RNF213: variants seen among roughly 807,000 people sequenced by gnomAD.
RNF213 encodes E3 ubiquitin-protein ligase RNF213.
Under a neutral mutation model 514.4 loss-of-function variants are expected in RNF213, and 341 were observed. The observed-to-expected ratio is 0.66, with a 90% CI of 0.61 to 0.73. RNF213 has a LOEUF of 0.73. RNF213 is among the 30% of genes least tolerant of loss of function. The probability of loss-of-function intolerance (pLI) is 0.00; values close to 1 mark genes in which losing one functional copy is unlikely to be tolerated. For missense variants in RNF213, 5,767 were observed against 6,615.6 expected, an observed-to-expected ratio of 0.87 and a Z score of 4.45; for synonymous variants, 2,655 against 2,658.2, an observed-to-expected ratio of 1.00 and a Z score of 0.04.
In RNF213 at chr17:80,287,888, T is replaced by A. The variant is rs1400942510; in HGVS notation, c.335T>A (p.Leu112His). Residue 112 changes from leucine to histidine, a missense_variant, in exon 4 of 68, where the codon CTT becomes CAT. Physicochemically the swap from Leu to His is moderately conservative, Grantham distance 99 (BLOSUM62 -3). Coordinates refer to ENST00000582970, the MANE Select transcript of RNF213 (RefSeq NM_001256071.3). ...SASSELASLP[L>H]SPASPCHLTL... is the part of the protein sequence containing the mutation. Reference sequence around the variant, plus strand: ...TCCTCAGAGCTGGCTTCCTTGCCCCTTTCTCCTGCCAGCCCCTGTCACCTG... The same window carrying A: ...TCCTCAGAGCTGGCTTCCTTGCCCCATTCTCCTGCCAGCCCCTGTCACCTG... 1.9e-6 allele frequency: 3 copies of A among 1,587,566 alleles called. No individual in the cohort carries two copies. The highest frequency in any genetic ancestry group is 2.6e-6 in the Non-Finnish European group (3 of 1,167,150).
At chr17:80,380,673 A>G (rs2079957619) in intron 55 of RNF213, among the ~76,000 whole-genome samples, 158 bp from the exon 56 acceptor site, 1 of 152,184 alleles carries the variant, frequency 6.6e-6, no homozygotes, top group Non-Finnish European at 1.5e-5. Context: ...CTATCATGAG[A>G]GAGACTCTTA....
intron 29 of RNF213, among the ~76,000 whole-genome samples, 166 bp from the exon 30 acceptor site, chr17:80,349,602 AGC>A (rs1170266291): frequency 4.6e-5 from 7 of 152,188 alleles, no homozygotes; most frequent in African/African-American, 1.4e-4. Flanking sequence ...TCTCGGCCCC[AGC>A]GCTGCCGTGT....
Position 80,369,590 on chromosome 17 carries a change from G to A in RNF213, c.12244G>A (p.Ala4082Thr), listed in dbSNP as rs746895668. 14 of 1,614,232 alleles carry A rather than the reference G, an allele frequency of 8.7e-6. No individual in the cohort carries two copies. In the Admixed American group the frequency reaches 1.5e-4, roughly 17 times the overall value. The change falls in exon 45 of 68, where the codon GCT becomes ACT. Residue 4082 changes from alanine (A) to threonine (T), a missense_variant. Coordinates refer to ENST00000582970, the MANE Select transcript of RNF213 (RefSeq NM_001256071.3). The part of the protein sequence containing the change: ...LVSTICFKDN[A>T]PPEKEVIESL... ...GTCCACCATTTGCTTCAAGGACAACGCTCCGCCTGAGAAGGAAGTGATTGA... is the reference window on the plus strand; with the variant it reads ...GTCCACCATTTGCTTCAAGGACAACACTCCGCCTGAGAAGGAAGTGATTGA...
rs150980347 is a variant in RNF213, at chr17:80,349,843, C to T, written c.10025C>T (p.Pro3342Leu). The T allele has an allele frequency of 5.0e-5, 80 of 1,614,136 alleles. No individual in the cohort carries two copies. Among genetic ancestry groups the T allele is most frequent in the African/African-American group, 2.1e-4 (16 of 75,044 alleles). ...ILESEVTGRA[P>L]KPTLLWLQQF... ...GAATCAGAGGTCACAGGCAGGGCTC[C>T]GAAACCCACACTCCTGTGGCTGCAG... The change falls in exon 30 of 68, where the codon CCG becomes CTG. Residue 3342 changes from proline to leucine, a missense_variant. Coordinates refer to ENST00000582970, the MANE Select transcript of RNF213 (RefSeq NM_001256071.3).
Position 80,292,075 on chromosome 17 carries a change from A to G in RNF213, c.1471+248A>G, listed in dbSNP as rs367587324. On this transcript the variant is annotated intron_variant, in intron 8 of 67. Transcript: ENST00000582970. ...ACTTACCTACTCACTTGCAGGAGGA[A>G]ACATGCAAAGGACTTTTTGTTTGTT... 5.2e-6 allele frequency: 3 copies of G among 575,606 alleles called. No individual in the cohort carries two copies. In the African/African-American group the frequency reaches 5.6e-5, roughly 11 times the overall value. The allele number at this position is 575,606 out of a possible 1,614,324, so 35.7% of individuals were successfully genotyped here. A position where few individuals can be genotyped will look rare whatever the true frequency, so the allele number is the denominator to read the frequency against.
intron 22 of RNF213, 114 bp downstream of exon 22, chr17:80,334,384 AG>A: frequency 8.7e-7 from 1 of 1,154,970 alleles, no homozygotes; most frequent in Non-Finnish European, 1.2e-6. Context: ...GACTACGTAA[AG>A]GGCAGAAAGA....
intron 17 of RNF213, among the ~76,000 whole-genome samples, chr17:80,322,587 T>A (rs6565673): frequency 0.011 from 1,683 of 151,118 alleles, 30 homozygotes; most frequent in African/African-American, 0.036. Context: ...AAAAAAAAAA[T>A]TTTTTTTCGT....
rs748991407 is a variant in RNF213, at chr17:80,290,596, C to T, written c.1139C>T (p.Thr380Ile). Reference protein sequence around the residue: ...ASTLSPGGGVTVFFHAIISLH... With the variant: ...ASTLSPGGGVIVFFHAIISLH... Reference sequence around the variant, plus strand: ...ACGCTGAGCCCGGGTGGAGGAGTCACCGTGTTCTTCCACGCCATCATCTCT... The same window carrying T: ...ACGCTGAGCCCGGGTGGAGGAGTCATCGTGTTCTTCCACGCCATCATCTCT... The change falls in exon 7 of 68, where the codon ACC becomes ATC. Residue 380 changes from threonine to isoleucine, a missense_variant. By Grantham distance (89) the Thr-to-Ile change is moderately conservative. This residue lies in a region of RNF213 where 509 missense variants were observed against 496.7 expected (regional missense o/e 1.02). Transcript: ENST00000582970. 1 of 1,614,090 alleles carries T rather than the reference C, an allele frequency of 6.2e-7. No individual in the cohort carries two copies. Among genetic ancestry groups the T allele is most frequent in the East Asian group, 2.2e-5 (1 of 44,894 alleles).
In RNF213 at chr17:80,334,133, A is replaced by G. The variant is rs1340094969; in HGVS notation, c.4172A>G (p.Glu1391Gly). The change falls in exon 22 of 68, where the codon GAA becomes GGA. Residue 1391 changes from glutamate (E) to glycine (G), a missense_variant. Around this residue, in one of 13 missense-constraint regions of RNF213, gnomAD observed 516 missense variants for 566.5 expected, o/e 0.91. Transcript: ENST00000582970. ...GATAACTTCGACGACTTTCGCCGTG[A>G]AACACTGGACCAGATCAACCAGGAG... Reference protein sequence around the residue: ...FTDNFDDFRRETLDQINQELI... With the variant: ...FTDNFDDFRRGTLDQINQELI... 5 of 1,537,246 alleles carry G rather than the reference A, an allele frequency of 3.3e-6. No individual in the cohort carries two copies. In the East Asian group the frequency reaches 7.3e-5, roughly 23 times the overall value.
In RNF213 at chr17:80,278,805, C is replaced by T; in HGVS notation, c.261+5401C>T. 2.6e-6 allele frequency: 4 copies of T among 1,537,196 alleles called. No individual in the cohort carries two copies. In the South Asian group the frequency reaches 3.6e-5, roughly 14 times the overall value. On this transcript the variant is annotated intron_variant, in intron 3 of 67. Transcript: ENST00000582970. ...TTTTGGTAGATGCTGCTGTAGACCT[C>T]ATATCCGATGAATGGGAAGCTGCTA...
chr17:80,363,372 G>GGAGTT, intron 40 of RNF213, 58 bp downstream of exon 40: 1 of 1,517,726 alleles, frequency 6.6e-7, no homozygotes, highest in Non-Finnish European at 9.1e-7. Flanking sequence ...ACTCCACTCT[G>GGAGTT]GGAATGGAGA....
rs900420433 is a variant in RNF213 at position 80,288,465 on chromosome 17, G to A, written c.810+102G>A. ...TTGCTTCCCTGCCGGGGGGAGGGGCGTCCTCTGGGCCCTGCTCCCTGGGTG... is the reference window on the plus strand; with the variant it reads ...TTGCTTCCCTGCCGGGGGGAGGGGCATCCTCTGGGCCCTGCTCCCTGGGTG... On this transcript the variant is annotated intron_variant, in intron 4 of 67. Coordinates refer to ENST00000582970, the MANE Select transcript of RNF213 (RefSeq NM_001256071.3). The surrounding 1 kb of genome is among the most constrained non-coding windows in gnomAD (Gnocchi z 4.9). 8.0e-5 allele frequency: 127 copies of A among 1,591,752 alleles called. No homozygotes were observed. In the Admixed American group the frequency reaches 1.0e-3, roughly 13 times the overall value.
At chr17:80,286,371 G>A (rs560249299) in intron 3 of RNF213, among the ~76,000 whole-genome samples, 1 of 152,148 alleles carries the variant, frequency 6.6e-6, no homozygotes, top group Admixed American at 6.5e-5. Context: ...CGGAATTTCT[G>A]GCCCTGGTTC....
At chr17:80,339,147 G>C (rs2078075203) in intron 25 of RNF213, 54 bp from the exon 26 acceptor site, 1 of 1,395,652 alleles carries the variant, frequency 7.2e-7, no homozygotes, top group South Asian at 1.5e-5. Flanking sequence ...GCAGAGTAGC[G>C]TGTTACCCTC....
intron 49 of RNF213, 133 bp from the exon 50 acceptor site, chr17:80,374,325 C>T: frequency 8.6e-7 from 1 of 1,159,880 alleles, no homozygotes; most frequent in Non-Finnish European, 1.3e-6. Context: ...CTGCCTCAGG[C>T]CAGGTCAGGG....
chr17:80,298,022 C>G (rs1449563979), intron 10 of RNF213, among the ~76,000 whole-genome samples: 2 of 152,180 alleles, frequency 1.3e-5, no homozygotes, highest in African/African-American at 2.4e-5. Flanking sequence ...GTTCAAACCC[C>G]AGCTCTGTCA....
chr17:80,341,431 C>A (rs2078152629), intron 26 of RNF213: 1 of 152,224 alleles, frequency 6.6e-6, no homozygotes, highest in African/African-American at 2.4e-5. Flanking sequence ...GTACCTCGTC[C>A]TGTTGGGATA....
At chr17:80,319,714 A>G (rs2046074148) in intron 17 of RNF213, 2 of 1,416,504 alleles carry the variant, frequency 1.4e-6, no homozygotes, top group Non-Finnish European at 1.8e-6. Flanking sequence ...TGGAAGCAAA[A>G]TATGTGAAAT....
chr17:80,327,409 A>C (rs2046307459), intron 18 of RNF213, among the ~76,000 whole-genome samples: 1 of 152,078 alleles, frequency 6.6e-6, no homozygotes, highest in Admixed American at 6.6e-5. Flanking sequence ...CTGAGGCAGG[A>C]AAATGAGGTT....
Sources: gnomAD v4.1 joint callset for allele counts (sites outside exome capture counted in the v4.1 genomes callset) on GRCh38, gnomAD v4.1.1 for gene constraint, gnomAD v4.1.1 regional missense constraint, Gnocchi (gnomAD v3.1) non-coding constraint, MANE v1.5 for transcripts, NCBI Gene and HGNC (gene_info 2026-07-23, HGNC 2026-07-21) for gene names.